PANK2: variants seen among roughly 807,000 people sequenced by gnomAD.
PANK2 encodes the protein pantothenate kinase 2, also known as pantothenate kinase 2, mitochondrial.
Under a neutral mutation model 43.1 loss-of-function variants are expected in PANK2, and 36 were observed. That is an observed-to-expected ratio of 0.84 (90% CI 0.64 to 1.10). The LOEUF is 1.10. PANK2 is among the 50% of genes least tolerant of loss of function. The pLI is 0.00. For missense variants in PANK2, 576 were observed against 593.3 expected (o/e 0.97, Z 0.30); for synonymous variants, 281 against 238.2 (o/e 1.18, Z -1.66).
chr20:3,892,066 T>C (rs1362138621), intron 1 of PANK2, among the ~76,000 whole-genome samples: 1 of 152,202 alleles, frequency 6.6e-6, no homozygotes, highest in Non-Finnish European at 1.5e-5. Context: ...CTGGGCGCAG[T>C]GGCTCATGCC....
At chr20:3,900,177 A>G (rs2090278446) in intron 1 of PANK2, among the ~76,000 whole-genome samples, 1 of 151,966 alleles carries the variant, frequency 6.6e-6, no homozygotes, top group Non-Finnish European at 1.5e-5. Context: ...ATTCAAGTGT[A>G]TAAATTCAGC....
rs530426989 is a variant in PANK2 at position 3,917,115 on chromosome 20, C to T, written c.1206+65C>T. Reference sequence around the variant, plus strand: ...TACTGAACTTAAGTGGGCCCCATCACGTCTGTTTTCTCAGAACAGTGCCTA... The same window carrying T: ...TACTGAACTTAAGTGGGCCCCATCATGTCTGTTTTCTCAGAACAGTGCCTA... On this transcript the variant is annotated intron_variant, in intron 5 of 6. Coordinates refer to ENST00000610179, the MANE Select transcript of PANK2 (RefSeq NM_001386393.1). 115 of 1,597,056 alleles carry T rather than the reference C, an allele frequency of 7.2e-5. 1 individual carries two copies. In the East Asian group the frequency reaches 1.4e-3, roughly 19 times the overall value.
In PANK2 at chr20:3,924,928, T is replaced by G. The variant is rs1261376965; in HGVS notation, c.*1634T>G. On this transcript the variant is annotated 3_prime_UTR_variant, in exon 7 of 7. Transcript: ENST00000610179. ...GCCCCTGTTTTGTGGTCCTGCTGCC[T>G]CTGCTGTGCTGCGTTCAGGAGGTTG... The G allele has an allele frequency of 6.5e-6, 1 of 152,832 alleles. No individual in the cohort carries two copies. Among genetic ancestry groups the G allele is most frequent in the Non-Finnish European group, 1.5e-5 (1 of 68,550 alleles). The allele number at this position is 152,832 out of a possible 1,614,324, so 9.5% of individuals were successfully genotyped here. A position where few individuals can be genotyped will look rare whatever the true frequency, so the allele number is the denominator to read the frequency against.
At chr20:3,919,412 C>T (rs997359078) in intron 6 of PANK2, among the ~76,000 whole-genome samples, 1 of 152,090 alleles carries the variant, frequency 6.6e-6, no homozygotes, top group Non-Finnish European at 1.5e-5. Flanking sequence ...TGTCATTACT[C>T]TGGGTTCTGG....
At position 3,927,143 on chromosome 20, in the gene PANK2, G is replaced by A. The variant is rs775920952; in HGVS notation, c.*3849G>A. Among the ~76,000 whole-genome samples, 16 of 151,906 alleles carry A rather than the reference G, an allele frequency of 1.1e-4. No homozygotes were observed. Among genetic ancestry groups the A allele is most frequent in the East Asian group, 7.7e-4 (4 of 5,178 alleles). On this transcript the variant is annotated 3_prime_UTR_variant, in exon 7 of 7. Transcript: ENST00000610179. ...ACTCTTCACCACTGACCCCACCCCC[G>A]CTTGCACACTATGCCACAGGAAGGG... is the stretch of plus-strand genomic sequence containing the variant.
chr20:3,889,427 G>A lies in PANK2; in HGVS notation c.-4G>A, dbSNP rs1188681570. The A allele has an allele frequency of 6.4e-7, 1 of 1,565,506 alleles. No homozygotes were observed. The highest frequency in any genetic ancestry group is 8.6e-7 in the Non-Finnish European group (1 of 1,159,938). On this transcript the variant is annotated 5_prime_UTR_variant, in exon 1 of 7. Coordinates refer to ENST00000610179, the MANE Select transcript of PANK2 (RefSeq NM_001386393.1). ...CCGCGGAGGAGGCGAGAAGGAATCC[G>A]ACGCTGGGGGGCTTGCTCGGGCGGC... is the stretch of plus-strand genomic sequence containing the variant.
intron 1 of PANK2, among the ~76,000 whole-genome samples, chr20:3,899,214 C>G (rs543341753): frequency 2.1e-5 from 3 of 145,776 alleles, no homozygotes; most frequent in African/African-American, 7.5e-5. Flanking sequence ...CTCTGTCATC[C>G]AGGCTGGAGT....
Position 3,908,690 on chromosome 20 carries a change from A to G in PANK2, c.651+412A>G, listed in dbSNP as rs1327179800. The G allele has an allele frequency of 1.7e-5, 4 of 233,348 alleles. No homozygotes were observed. In the East Asian group the frequency reaches 4.6e-4, roughly 27 times the overall value. The allele number at this position is 233,348 out of a possible 1,614,324, so 14.5% of individuals were successfully genotyped here. A position where few individuals can be genotyped will look rare whatever the true frequency, so the allele number is the denominator to read the frequency against. On this transcript the variant is annotated intron_variant, in intron 2 of 6. Transcript: ENST00000610179. Reference sequence around the variant, plus strand: ...CCCTCAGTTGTTTGCTGGCATGTTCACTAACTGAAAAAAATAAGGAACTCT... The same window carrying G: ...CCCTCAGTTGTTTGCTGGCATGTTCGCTAACTGAAAAAAATAAGGAACTCT...
intron 1 of PANK2, among the ~76,000 whole-genome samples, chr20:3,896,005 T>TA (rs2090200690): frequency 6.6e-6 from 1 of 152,134 alleles, no homozygotes; most frequent in East Asian, 1.9e-4. Flanking sequence ...TGTGGTCTGG[T>TA]AAAAGTGTAG....
intron 1 of PANK2, among the ~76,000 whole-genome samples, chr20:3,893,931 G>GTTTTTTTTTTTTTTTTTTTTT: frequency 1.4e-5 from 1 of 73,180 alleles, no homozygotes; most frequent in Middle Eastern, 6.7e-3. Flanking sequence ...TTTGTTTTTT[G>GTTTTTTTTTTTTTTTTTTTTT]TTTTTTTTTT....
At chr20:3,922,048 A>G (rs2090655359) in intron 6 of PANK2, among the ~76,000 whole-genome samples, 1 of 152,208 alleles carries the variant, frequency 6.6e-6, no homozygotes, top group Admixed American at 6.5e-5. Flanking sequence ...GAGTGTGACA[A>G]GAAAGCCTTT....
At chr20:3,902,352 A>G (rs1234254492) in intron 1 of PANK2, among the ~76,000 whole-genome samples, 1 of 150,932 alleles carries the variant, frequency 6.6e-6, no homozygotes, top group Non-Finnish European at 1.5e-5. Flanking sequence ...TATTTTTGAG[A>G]CGGAATCTCA....
chr20:3,914,756 T>A (rs1353694330), intron 4 of PANK2, among the ~76,000 whole-genome samples: 1 of 151,990 alleles, frequency 6.6e-6, no homozygotes, highest in Non-Finnish European at 1.5e-5. Flanking sequence ...ACCTGTAAAT[T>A]ATGCCAACAT....
rs945828608 is a variant in PANK2 at position 3,907,075 on chromosome 20, G to A, written c.299-851G>A. Among the ~76,000 whole-genome samples the A allele has an allele frequency of 2.0e-5, 3 of 146,516 alleles. No homozygotes were observed. In the Admixed American group the frequency reaches 2.1e-4, roughly 10 times the overall value. On this transcript the variant is annotated intron_variant, in intron 1 of 6. Coordinates refer to ENST00000610179, the MANE Select transcript of PANK2 (RefSeq NM_001386393.1). ...CTCCCCAAGTGTTGGGATTACAGGC[G>A]TGAGCCACCGTGCCCAGCCCTGCCT... is the stretch of plus-strand genomic sequence containing the variant.
At chr20:3,890,069 C>T (rs1393731410) in intron 1 of PANK2, 26 of 591,570 alleles carry the variant, frequency 4.4e-5, no homozygotes, top group South Asian at 1.4e-4. Context: ...TCATTTCCAC[C>T]TCCTTTCCTC....
chr20:3,903,836 T>C (rs147808513), intron 1 of PANK2, among the ~76,000 whole-genome samples: 1 of 151,786 alleles, frequency 6.6e-6, no homozygotes, highest in Non-Finnish European at 1.5e-5. Context: ...ACCATATTGG[T>C]CAGGCTGATC....
chr20:3,904,404 G>A (rs1262073853), intron 1 of PANK2, among the ~76,000 whole-genome samples: 1 of 151,848 alleles, frequency 6.6e-6, no homozygotes, highest in Admixed American at 6.6e-5. Flanking sequence ...AACACAGTGA[G>A]ACCTTGTCTC....
At chr20:3,895,278 A>AAAATAAAT (rs765107934) in intron 1 of PANK2, among the ~76,000 whole-genome samples, 1 of 151,662 alleles carries the variant, frequency 6.6e-6, no homozygotes, top group Non-Finnish European at 1.5e-5. Context: ...CATCTCAAAT[A>AAAATAAAT]AAATAAATAA....
At chr20:3,893,405 G>C (rs573003037) in intron 1 of PANK2, among the ~76,000 whole-genome samples, 1 of 152,222 alleles carries the variant, frequency 6.6e-6, no homozygotes. Flanking sequence ...ATTTTATTGA[G>C]GCATAATTAA....
Sources: allele counts gnomAD v4.1 joint callset (sites outside exome capture counted in the v4.1 genomes callset), GRCh38; gene constraint gnomAD v4.1.1; transcripts MANE v1.5; gene names NCBI Gene and HGNC (gene_info 2026-07-23, HGNC 2026-07-21).